SORL1: variants seen among roughly 807,000 people sequenced by gnomAD.
The protein encoded by SORL1 is sortilin-related receptor.
SORL1 carries 127 observed loss-of-function variants against 273.7 expected under a neutral mutation model. That is an observed-to-expected ratio of 0.46 (90% CI 0.40 to 0.54). The LOEUF is 0.54. Ranked by LOEUF, SORL1 falls within the 20% of genes least tolerant of loss-of-function variation. The probability of loss-of-function intolerance (pLI) is 0.00; values close to 1 mark genes in which losing one functional copy is unlikely to be tolerated. For missense variants in SORL1, 2,494 were observed against 2,846.1 expected (o/e 0.88, Z 2.81); for synonymous variants, 1,031 against 1,067.4 (o/e 0.97, Z 0.66).
At chr11:121,470,411 T>C (rs1457197562) in intron 2 of SORL1, among the ~76,000 whole-genome samples, 2 of 152,270 alleles carry the variant, frequency 1.3e-5, no homozygotes, top group Non-Finnish European at 2.9e-5. Context: ...AGTGCCTTCC[T>C]GGGCAGAGCT....
At chr11:121,605,368 A>G (rs776450799) in intron 34 of SORL1, 34 bp from the exon 35 acceptor site, 2 of 1,598,364 alleles carry the variant, frequency 1.3e-6, no homozygotes, top group Non-Finnish European at 1.7e-6. Context: ...ATGCTGCTCC[A>G]GTGTGACAAT....
At chr11:121,502,788 A>G (rs992174655) in intron 6 of SORL1, among the ~76,000 whole-genome samples, 22 of 152,242 alleles carry the variant, frequency 1.4e-4, no homozygotes, top group Non-Finnish European at 1.3e-4. Flanking sequence ...CTTTATATAC[A>G]AGTTATATGA....
chr11:121,619,627 T>C (rs1863692385), intron 42 of SORL1, 126 bp from the exon 43 acceptor site: 2 of 803,080 alleles, frequency 2.5e-6, no homozygotes, highest in Non-Finnish European at 3.9e-6. Context: ...AATTATTTTA[T>C]ATTTTATGGT....
intron 22 of SORL1, among the ~76,000 whole-genome samples, 182 bp downstream of exon 22, chr11:121,567,295 G>A (rs190770976): frequency 5.5e-4 from 84 of 152,342 alleles, no homozygotes; most frequent in Non-Finnish European, 9.0e-4. Flanking sequence ...GTCCTGGTAA[G>A]GGTCAAAGAG....
intron 31 of SORL1, among the ~76,000 whole-genome samples, chr11:121,594,328 C>T (rs1223093834): frequency 6.6e-6 from 1 of 151,872 alleles, no homozygotes; most frequent in African/African-American, 2.4e-5. Context: ...TGATATTTCC[C>T]TCTCTGTTTT....
At chr11:121,543,386 C>A (rs752101609) in intron 12 of SORL1, among the ~76,000 whole-genome samples, 162 bp from the exon 13 acceptor site, 21 of 152,112 alleles carry the variant, frequency 1.4e-4, no homozygotes, top group Non-Finnish European at 2.9e-4. Flanking sequence ...GAGATGACTG[C>A]ATTTATTTCT....
intron 21 of SORL1, among the ~76,000 whole-genome samples, chr11:121,562,280 G>T (rs143424039): frequency 6.6e-6 from 1 of 152,238 alleles, no homozygotes; most frequent in East Asian, 1.9e-4. Flanking sequence ...AAGAAAGAAT[G>T]TGACTCCTGT....
At chr11:121,555,447 G>T (rs1157915568) in intron 18 of SORL1, 129 bp downstream of exon 18, 4 of 1,180,862 alleles carry the variant, frequency 3.4e-6, no homozygotes, top group East Asian at 4.9e-5. Flanking sequence ...AGTTTCCAGA[G>T]AATGGACCAG....
chr11:121,505,040 G>A lies in SORL1; in HGVS notation c.940-7963G>A, dbSNP rs566151194. On this transcript the variant is annotated intron_variant, in intron 6 of 47. Coordinates refer to ENST00000260197, the MANE Select transcript of SORL1 (RefSeq NM_003105.6). The stretch of plus-strand genomic sequence containing the variant: ...TATGTTAAACCAATGCACATTTTTG[G>A]AATGAATCCCACATGCTCTTGGTTT... 4.6e-5 allele frequency among the ~76,000 whole-genome samples: 7 copies of A among 152,064 alleles called. No homozygotes were observed. The East Asian group carries it at 1.3e-3, about 29-fold the overall frequency.
intron 2 of SORL1, among the ~76,000 whole-genome samples, chr11:121,471,018 A>G (rs573272749): frequency 4.6e-5 from 7 of 152,318 alleles, no homozygotes; most frequent in Middle Eastern, 3.4e-3. Context: ...TCAGAGAAAT[A>G]TGGTTTCTCC....
intron 25 of SORL1, among the ~76,000 whole-genome samples, chr11:121,579,549 G>GT (rs1194617315): frequency 4.6e-5 from 7 of 152,094 alleles, no homozygotes; most frequent in African/African-American, 1.7e-4. Flanking sequence ...ATTTCTGTGT[G>GT]TTTTTTTAGG....
At chr11:121,576,080 C>T (rs555922990) in intron 24 of SORL1, among the ~76,000 whole-genome samples, 6 of 152,346 alleles carry the variant, frequency 3.9e-5, no homozygotes, top group East Asian at 3.9e-4. Context: ...TTGGGCCCCA[C>T]GCTTGGCTGC....
intron 32 of SORL1, among the ~76,000 whole-genome samples, chr11:121,602,270 G>T (rs1439653437): frequency 1.3e-5 from 2 of 152,184 alleles, no homozygotes. Context: ...TATAGTTTGT[G>T]AAAAGCCTCA....
In SORL1 at chr11:121,579,441, C is replaced by T. The variant is rs575495267; in HGVS notation, c.3580+2041C>T. On this transcript the variant is annotated intron_variant, in intron 25 of 47. Coordinates refer to ENST00000260197, the MANE Select transcript of SORL1 (RefSeq NM_003105.6). ...CAGCTTGGATGCGCACTCTGCTGTG[C>T]GTCCTCTTTGCTTTTCTTTTCGCCA... is the stretch of plus-strand genomic sequence containing the variant. Among the ~76,000 whole-genome samples the T allele has an allele frequency of 2.2e-4, 34 of 152,352 alleles. No homozygotes were observed. In the South Asian group the frequency reaches 6.2e-3, roughly 28 times the overall value.
At chr11:121,592,412 T>A (rs1044695743) in intron 31 of SORL1, among the ~76,000 whole-genome samples, 1 of 152,234 alleles carries the variant, frequency 6.6e-6, no homozygotes, top group African/African-American at 2.4e-5. Flanking sequence ...CCCATATGAT[T>A]CTTAGGTTCA....
chr11:121,605,610 C>G, intron 35 of SORL1, 39 bp downstream of exon 35: 2 of 1,567,970 alleles, frequency 1.3e-6, no homozygotes, highest in Non-Finnish European at 1.8e-6. Flanking sequence ...TGGGTAAGAC[C>G]TCAGGTCGGG....
At chr11:121,529,336 C>T (rs2134867595) in intron 11 of SORL1, among the ~76,000 whole-genome samples, 1 of 152,070 alleles carries the variant, frequency 6.6e-6, no homozygotes. Context: ...CCTGCCTCAG[C>T]CTCCCGAGTA....
chr11:121,529,819 G>A (rs1461970207), intron 11 of SORL1, among the ~76,000 whole-genome samples: 1 of 152,032 alleles, frequency 6.6e-6, no homozygotes, highest in East Asian at 1.9e-4. Context: ...AATTATTGAT[G>A]TATTTGAATT....
At chr11:121,599,996 A>G (rs1480759816) in intron 32 of SORL1, among the ~76,000 whole-genome samples, 1 of 152,072 alleles carries the variant, frequency 6.6e-6, no homozygotes, top group Non-Finnish European at 1.5e-5. Flanking sequence ...AAGTGGCCCT[A>G]TCTTCTTTAC....
Sources: allele counts gnomAD v4.1 joint callset (sites outside exome capture counted in the v4.1 genomes callset), GRCh38; gene constraint gnomAD v4.1.1; transcripts MANE v1.5; gene names NCBI Gene and HGNC (gene_info 2026-07-23, HGNC 2026-07-21).